The following SGCZ variants were observed in gnomAD, a reference collection of about 807,000 sequenced individuals.
SGCZ encodes sarcoglycan zeta.
In SGCZ, 40 loss-of-function variants were observed where a neutral mutation model predicts 41.3. That is an observed-to-expected ratio of 0.97 (90% confidence interval 0.75 to 1.26). The LOEUF (loss-of-function observed/expected upper bound fraction) is 1.26, where lower values mean the gene tolerates loss of function less well. SGCZ is among the 50% of genes most tolerant of loss of function. SGCZ has a pLI of 0.00. For synonymous variants in SGCZ, 206 were observed against 137.5 expected, an observed-to-expected ratio of 1.50 and a Z score of -3.49; for missense variants, 552 against 369.8, an observed-to-expected ratio of 1.49 and a Z score of -4.04.
intron 1 of SGCZ, among the ~76,000 whole-genome samples, chr8:14,626,449 A>G (rs1476247112): frequency 5.3e-5 from 8 of 152,114 alleles, no homozygotes; most frequent in Admixed American, 5.2e-4. Context: ...TTGAACAAAT[A>G]TTTGAACTTT....
At chr8:14,909,316 C>T (rs1419396281) in intron 1 of SGCZ, among the ~76,000 whole-genome samples, 1 of 152,094 alleles carries the variant, frequency 6.6e-6, no homozygotes, top group African/African-American at 2.4e-5. Context: ...CAAATACATC[C>T]CTTTTAAATA....
intron 1 of SGCZ, among the ~76,000 whole-genome samples, chr8:14,760,676 T>C (rs1238289437): frequency 6.6e-6 from 1 of 152,174 alleles, no homozygotes; most frequent in Non-Finnish European, 1.5e-5. Context: ...TTGACAACTC[T>C]CCTATATTCT....
chr8:15,017,969 A>G (rs1803103400), intron 1 of SGCZ, among the ~76,000 whole-genome samples: 1 of 152,146 alleles, frequency 6.6e-6, no homozygotes, highest in African/African-American at 2.4e-5. Flanking sequence ...GCCCAAAGTG[A>G]TTCTCCTATC....
rs962530280 is a variant in SGCZ, at chr8:15,206,137, T to C, written c.39+31448A>G. 5.3e-5 allele frequency among the ~76,000 whole-genome samples: 8 copies of C among 152,084 alleles called. No individual in the cohort carries two copies. The South Asian group carries it at 1.7e-3, about 32-fold the overall frequency. On this transcript the variant is annotated intron_variant, in intron 1 of 7. Coordinates refer to ENST00000382080, the MANE Select transcript of SGCZ (RefSeq NM_139167.4). Reference sequence around the variant, plus strand: ...GTAGAATAAACCACCATGACATGAGTTTACCTATGCAACAAACCTTCATAT... The same window carrying C: ...GTAGAATAAACCACCATGACATGAGCTTACCTATGCAACAAACCTTCATAT...
Position 14,116,253 on chromosome 8 carries a change from G to A in SGCZ, c.548-8018C>T, listed in dbSNP as rs567643739. ...ATGCTAATTGTATCAATAGCTTTAT[G>A]AGCCTGAGCTGCATAGTTAATCTAC... On this transcript the variant is annotated intron_variant, in intron 5 of 7. Coordinates refer to ENST00000382080, the MANE Select transcript of SGCZ (RefSeq NM_139167.4). 2.5e-3 allele frequency among the ~76,000 whole-genome samples: 377 copies of A among 152,168 alleles called. 4 individuals carry two copies. The highest frequency in any genetic ancestry group is 8.7e-3 in the African/African-American group (363 of 41,550).
intron 1 of SGCZ, among the ~76,000 whole-genome samples, chr8:15,007,324 T>G (rs919292433): frequency 1.3e-5 from 2 of 152,202 alleles, no homozygotes; most frequent in African/African-American, 2.4e-5. Flanking sequence ...TATAAAAAAT[T>G]TAAATGTAAC....
chr8:14,554,959 G>T (rs774521363), intron 1 of SGCZ, 33 bp from the exon 2 acceptor site: 1 of 1,418,506 alleles, frequency 7.0e-7, no homozygotes, highest in Non-Finnish European at 9.3e-7. Flanking sequence ...AGAGAAAGAA[G>T]GAAAAAAAAA....
intron 4 of SGCZ, among the ~76,000 whole-genome samples, chr8:14,198,618 A>G (rs1254566450): frequency 1.3e-5 from 2 of 152,194 alleles, no homozygotes; most frequent in Admixed American, 6.5e-5. Context: ...GAGGAAAAAA[A>G]GAACTGATCT....
intron 2 of SGCZ, among the ~76,000 whole-genome samples, chr8:14,406,233 A>ATGTC (rs1355374284): frequency 9.9e-5 from 15 of 152,142 alleles, no homozygotes; most frequent in Middle Eastern, 3.4e-3. Flanking sequence ...CCATCTTCCG[A>ATGTC]TGTCGGGCTC....
chr8:14,715,899 C>G (rs1972916), intron 1 of SGCZ, among the ~76,000 whole-genome samples: 66,024 of 151,770 alleles, frequency 0.44, 15,114 homozygotes, highest in Non-Finnish European at 0.52. Flanking sequence ...CTGGCATGAA[C>G]ACAACAATTT....
intron 4 of SGCZ, among the ~76,000 whole-genome samples, chr8:14,234,518 C>T (rs575731612): frequency 2.0e-5 from 3 of 152,140 alleles, no homozygotes; most frequent in Admixed American, 2.0e-4. Flanking sequence ...TCGATGCATT[C>T]TATTGGTAGA....
intron 7 of SGCZ, among the ~76,000 whole-genome samples, chr8:14,094,285 T>C (rs530599781): frequency 2.0e-4 from 30 of 151,970 alleles, no homozygotes; most frequent in Non-Finnish European, 4.3e-4. Flanking sequence ...ATGCTATCCC[T>C]CCCCTAGCCC....
chr8:14,130,529 T>C (rs1803008724), intron 5 of SGCZ, among the ~76,000 whole-genome samples: 1 of 152,162 alleles, frequency 6.6e-6, no homozygotes, highest in South Asian at 2.1e-4. Context: ...AGTTTTTGAC[T>C]AGACTGCCTG....
intron 1 of SGCZ, among the ~76,000 whole-genome samples, chr8:14,989,190 C>A (rs1274149093): frequency 6.6e-6 from 1 of 152,026 alleles, no homozygotes; most frequent in Non-Finnish European, 1.5e-5. Flanking sequence ...TTGAAAGACA[C>A]AAAATTATTA....
intron 1 of SGCZ, among the ~76,000 whole-genome samples, chr8:14,963,920 C>T (rs990276371): frequency 6.6e-6 from 1 of 151,994 alleles, no homozygotes; most frequent in African/African-American, 2.4e-5. Flanking sequence ...ATTTTTTTAT[C>T]CCAGAAAAAA....
intron 1 of SGCZ, among the ~76,000 whole-genome samples, chr8:14,715,240 C>G (rs1240502036): frequency 6.6e-6 from 1 of 151,948 alleles, no homozygotes; most frequent in African/African-American, 2.4e-5. Context: ...AATATTTGAT[C>G]CATCTCAAGA....
At chr8:14,959,362 G>A (rs887220673) in intron 1 of SGCZ, among the ~76,000 whole-genome samples, 1 of 152,090 alleles carries the variant, frequency 6.6e-6, no homozygotes, top group Non-Finnish European at 1.5e-5. Context: ...TAGTTCTGGT[G>A]CAGCAGGAGT....
At chr8:14,286,186 T>C (rs1259567647) in intron 3 of SGCZ, among the ~76,000 whole-genome samples, 2 of 152,122 alleles carry the variant, frequency 1.3e-5, no homozygotes, top group African/African-American at 2.4e-5. Context: ...TGGTATTCTA[T>C]CTATGGGATA....
intron 1 of SGCZ, among the ~76,000 whole-genome samples, chr8:14,813,744 G>C (rs992262424): frequency 2.0e-5 from 3 of 152,294 alleles, no homozygotes; most frequent in Non-Finnish European, 4.4e-5. Context: ...CTGAGTTCAA[G>C]AGTTCAAGAC....
Sources: allele counts gnomAD v4.1 joint callset (sites outside exome capture counted in the v4.1 genomes callset), GRCh38; gene constraint gnomAD v4.1.1; transcripts MANE v1.5; gene names NCBI Gene and HGNC (gene_info 2026-07-23, HGNC 2026-07-21).